The following NR6A1 variants were observed in gnomAD, a reference collection of about 807,000 sequenced individuals.
NR6A1 encodes the protein retinoic acid receptor-related testis-associated receptor.
Under a neutral mutation model 59.1 loss-of-function variants are expected in NR6A1, and 7 were observed. The observed-to-expected ratio is 0.12, with a 90% CI of 0.07 to 0.22. The LOEUF is 0.22. Among genes scored for constraint, NR6A1 ranks in the 10% least tolerant of loss-of-function variants. The probability of loss-of-function intolerance (pLI) is 1.00; values close to 1 mark genes in which losing one functional copy is unlikely to be tolerated. For missense variants in NR6A1, 468 were observed against 611.6 expected (o/e 0.77, Z 2.48); for synonymous variants, 243 against 236.1 (o/e 1.03, Z -0.27).
rs1838365950 is a variant in NR6A1, at chr9:124,687,291, A to ATTTATTTAT, written c.142+46016_142+46017insATAAATAAA. Among the ~76,000 whole-genome samples the ATTTATTTAT allele has an allele frequency of 1.6e-3, 229 of 142,170 alleles. 1 individual carries two copies. In the South Asian group the frequency reaches 0.017, roughly 11 times the overall value. 93.3% of individuals were successfully genotyped at this position (142,170 alleles called of 152,430 possible). ...ACATGCCACCACAGCCAGCTAATTAATTATTTATTTATTTATTTATTTATT... is the reference window on the plus strand; with the variant it reads ...ACATGCCACCACAGCCAGCTAATTAATTTATTTATTTATTTATTTATTTATTTATTTATT... On this transcript the variant is annotated intron_variant, in intron 2 of 9. Coordinates refer to ENST00000487099, the MANE Select transcript of NR6A1 (RefSeq NM_033334.4).
chr9:124,693,287 C>T (rs1382344915), intron 2 of NR6A1, among the ~76,000 whole-genome samples: 5 of 152,220 alleles, frequency 3.3e-5, no homozygotes, highest in African/African-American at 1.2e-4. Flanking sequence ...ATATAAGGTG[C>T]TTTGTACCAT....
At chr9:124,539,153 C>A (rs948345385) in intron 5 of NR6A1, among the ~76,000 whole-genome samples, 1 of 152,128 alleles carries the variant, frequency 6.6e-6, no homozygotes, top group Non-Finnish European at 1.5e-5. Flanking sequence ...AATCTACCCA[C>A]CTTGACCTCC....
At chr9:124,560,573 T>G (rs574733317) in intron 2 of NR6A1, among the ~76,000 whole-genome samples, 1 of 152,304 alleles carries the variant, frequency 6.6e-6, no homozygotes, top group Admixed American at 6.5e-5. Context: ...TCTTTTATCT[T>G]TTTTGAGACG....
intron 1 of NR6A1, among the ~76,000 whole-genome samples, chr9:124,734,918 C>A (rs1839980429): frequency 1.3e-5 from 2 of 152,164 alleles, no homozygotes; most frequent in Non-Finnish European, 2.9e-5. Flanking sequence ...TCTCAGCTCA[C>A]TGCAACCTCC....
intron 2 of NR6A1, among the ~76,000 whole-genome samples, chr9:124,601,199 C>T (rs915623668): frequency 6.6e-6 from 1 of 151,958 alleles, no homozygotes; most frequent in African/African-American, 2.4e-5. Context: ...TTGCTTGAGC[C>T]CCGGAGACGG....
intron 4 of NR6A1, among the ~76,000 whole-genome samples, chr9:124,541,274 A>T (rs2131358306): frequency 6.6e-6 from 1 of 152,326 alleles, no homozygotes; most frequent in South Asian, 2.1e-4. Flanking sequence ...CCCATAACTC[A>T]GGAACAGAAA....
At chr9:124,770,639 G>A (rs1841113884) in intron 1 of NR6A1, among the ~76,000 whole-genome samples, 2 of 144,548 alleles carry the variant, frequency 1.4e-5, no homozygotes, top group South Asian at 2.3e-4. Context: ...CGGGGGGAGG[G>A]GAAGGTTCGG....
Position 124,541,631 on chromosome 9 carries a change from T to A in NR6A1, c.442-1444A>T, listed in dbSNP as rs555778194. Among the ~76,000 whole-genome samples, 91 of 152,262 alleles carry A rather than the reference T, an allele frequency of 6.0e-4. 1 individual carries two copies. The South Asian group carries it at 0.018, about 30-fold the overall frequency. Reference sequence around the variant, plus strand: ...ATGGAAAACAGCATGGAGGTTCCTCTAAAAGTTAAAAATAGAAACACCATA... The same window carrying A: ...ATGGAAAACAGCATGGAGGTTCCTCAAAAAGTTAAAAATAGAAACACCATA... On this transcript the variant is annotated intron_variant, in intron 4 of 9. Coordinates refer to ENST00000487099, the MANE Select transcript of NR6A1 (RefSeq NM_033334.4).
chr9:124,617,096 G>A (rs1040809627), intron 2 of NR6A1, among the ~76,000 whole-genome samples: 1 of 152,220 alleles, frequency 6.6e-6, no homozygotes, highest in African/African-American at 2.4e-5. Flanking sequence ...ATGGAGAGAT[G>A]GGTAAGGAGA....
At chr9:124,591,838 T>C (rs1835133277) in intron 2 of NR6A1, among the ~76,000 whole-genome samples, 2 of 151,960 alleles carry the variant, frequency 1.3e-5, no homozygotes, top group African/African-American at 2.4e-5. Flanking sequence ...TATGGGTAGA[T>C]GCATTTTTCC....
At chr9:124,610,504 G>A (rs1323461507) in intron 2 of NR6A1, among the ~76,000 whole-genome samples, 1 of 152,200 alleles carries the variant, frequency 6.6e-6, no homozygotes, top group Non-Finnish European at 1.5e-5. Context: ...CAGTTTGCCA[G>A]TATTTTATTG....
intron 2 of NR6A1, among the ~76,000 whole-genome samples, chr9:124,643,810 T>A (rs1051027498): frequency 1.6e-4 from 25 of 152,040 alleles, no homozygotes; most frequent in Non-Finnish European, 3.4e-4. Context: ...TTTTCATTTT[T>A]TTAAAATCAG....
intron 1 of NR6A1, among the ~76,000 whole-genome samples, chr9:124,746,517 A>C (rs1840339678): frequency 6.6e-6 from 1 of 152,174 alleles, no homozygotes; most frequent in Admixed American, 6.5e-5. Flanking sequence ...TGAACCCGGG[A>C]GGCAAAGGTT....
intron 2 of NR6A1, among the ~76,000 whole-genome samples, chr9:124,641,320 T>C (rs1836761773): frequency 6.7e-6 from 1 of 148,912 alleles, no homozygotes; most frequent in Non-Finnish European, 1.5e-5. Context: ...GATCACCCCA[T>C]TGCACTCCAG....
chr9:124,571,655 G>C (rs1455836505), intron 2 of NR6A1, among the ~76,000 whole-genome samples: 1 of 152,156 alleles, frequency 6.6e-6, no homozygotes, highest in African/African-American at 2.4e-5. Context: ...TAGTGAGATG[G>C]CTTTGTTCCT....
At position 124,519,437 on chromosome 9, in the gene NR6A1, C is replaced by A. The variant is rs780327188; in HGVS notation, c.*3268G>T. On this transcript the variant is annotated 3_prime_UTR_variant, in exon 10 of 10. Coordinates refer to ENST00000487099, the MANE Select transcript of NR6A1 (RefSeq NM_033334.4). ...CCTTGCAAAGGACTCCAAAAGTCTA[C>A]AAAGGCAGCCAGAGAGCATGAATAA... 6.6e-6 allele frequency: 1 copy of A among 152,148 alleles called. No homozygotes were observed. The highest frequency in any genetic ancestry group is 1.5e-5 in the Non-Finnish European group (1 of 68,040). 9.4% of individuals were successfully genotyped at this position (152,148 alleles called of 1,614,324 possible).
In NR6A1 at chr9:124,542,681, C is replaced by G. The variant is rs368650660; in HGVS notation, c.441+1121G>C. Among the ~76,000 whole-genome samples, 190 of 152,278 alleles carry G rather than the reference C, an allele frequency of 1.2e-3. 2 individuals are homozygous for G. The highest frequency in any genetic ancestry group is 4.1e-3 in the African/African-American group (170 of 41,566). On this transcript the variant is annotated intron_variant, in intron 4 of 9. Transcript: ENST00000487099. ...AAATAAAACCTTTTAGTGGTTGCCT[C>G]TTGGCTCATACCAGTAACAATAATA...
At chr9:124,637,764 C>T (rs1388130252) in intron 2 of NR6A1, among the ~76,000 whole-genome samples, 4 of 151,956 alleles carry the variant, frequency 2.6e-5, no homozygotes, top group African/African-American at 4.8e-5. Flanking sequence ...TGTTGGCACA[C>T]GCCTGTAGTC....
intron 2 of NR6A1, among the ~76,000 whole-genome samples, chr9:124,643,773 A>G (rs1012139697): frequency 1.3e-5 from 2 of 150,628 alleles, no homozygotes; most frequent in Non-Finnish European, 2.9e-5. Context: ...AAAAAAAAAA[A>G]AAGAGAGAGA....
Sources: allele counts gnomAD v4.1 joint callset (sites outside exome capture counted in the v4.1 genomes callset), GRCh38; gene constraint gnomAD v4.1.1; transcripts MANE v1.5; gene names NCBI Gene and HGNC (gene_info 2026-07-23, HGNC 2026-07-21).